Variants in RAD51B observed in about 807,000 individuals in gnomAD.
RAD51B encodes the protein DNA repair protein RAD51 homolog 2.
RAD51B carries 38 observed loss-of-function variants against 42.2 expected under a neutral mutation model. The ratio of observed to expected loss-of-function variants is 0.90; its 90% CI spans 0.70 to 1.18. The LOEUF is 1.18. Ranked by LOEUF, RAD51B falls within the 50% of genes most tolerant of loss-of-function variation. The pLI, the probability that RAD51B is intolerant of heterozygous loss-of-function variation, is 0.00. For missense variants in RAD51B, 373 were observed against 400.7 expected (o/e 0.93, Z 0.59); for synonymous variants, 154 against 145.2 (o/e 1.06, Z -0.43).
At chr14:68,401,058 CTAT>C (rs1246355537) in intron 8 of RAD51B, among the ~76,000 whole-genome samples, 2 of 152,214 alleles carry the variant, frequency 1.3e-5, no homozygotes, top group Non-Finnish European at 2.9e-5. Context: ...CTTATGCCTA[CTAT>C]TGTTTTCCTT....
chr14:68,160,593 GATTA>G (rs1187854993), intron 7 of RAD51B, among the ~76,000 whole-genome samples: 2 of 152,128 alleles, frequency 1.3e-5, no homozygotes, highest in East Asian at 1.9e-4. Flanking sequence ...GGATTTGTGG[GATTA>G]ATTTTGATTT....
At chr14:68,516,748 A>G (rs902300579) in intron 10 of RAD51B, among the ~76,000 whole-genome samples, 3 of 152,206 alleles carry the variant, frequency 2.0e-5, no homozygotes, top group South Asian at 4.1e-4. Flanking sequence ...AATAATATGC[A>G]TGGGTCATTT....
chr14:68,534,497 C>A (rs1887493637), intron 10 of RAD51B, among the ~76,000 whole-genome samples: 2 of 152,028 alleles, frequency 1.3e-5, no homozygotes, highest in Admixed American at 1.3e-4. Context: ...GCAAGGAAGC[C>A]CATTTCCCTA....
At chr14:68,320,184 G>C (rs902524884) in intron 8 of RAD51B, among the ~76,000 whole-genome samples, 1 of 152,174 alleles carries the variant, frequency 6.6e-6, no homozygotes, top group African/African-American at 2.4e-5. Flanking sequence ...GGAATTAATA[G>C]AGTACTTTCG....
intron 8 of RAD51B, chr14:68,306,665 G>A (rs1401252878): frequency 5.9e-6 from 3 of 512,506 alleles, no homozygotes; most frequent in South Asian, 4.3e-5. Flanking sequence ...AATTCTAAAT[G>A]TACCTAGAGT....
chr14:68,415,425 T>G (rs182740844), intron 9 of RAD51B, among the ~76,000 whole-genome samples: 6 of 152,300 alleles, frequency 3.9e-5, no homozygotes, highest in Admixed American at 1.3e-4. Context: ...TTTAATCACC[T>G]CTTCTCTGCT....
chr14:67,835,693 A>T (rs1162076231), intron 4 of RAD51B, among the ~76,000 whole-genome samples: 1 of 151,690 alleles, frequency 6.6e-6, no homozygotes, highest in African/African-American at 2.4e-5. Context: ...TTACCAAAAA[A>T]AAAATAAAAA....
intron 7 of RAD51B, among the ~76,000 whole-genome samples, chr14:68,157,828 C>G (rs1330005005): frequency 6.6e-6 from 1 of 152,148 alleles, no homozygotes; most frequent in Admixed American, 6.5e-5. Flanking sequence ...CCATAGGAGT[C>G]AGGCATTGGG....
intron 7 of RAD51B, among the ~76,000 whole-genome samples, chr14:67,899,204 G>A (rs1278614250): frequency 2.0e-5 from 3 of 151,582 alleles, no homozygotes; most frequent in East Asian, 1.9e-4. Context: ...CACCACGCCC[G>A]GCTAATTTTT....
chr14:68,030,457 CT>C (rs1284299771), intron 7 of RAD51B, among the ~76,000 whole-genome samples: 2 of 152,190 alleles, frequency 1.3e-5, no homozygotes, highest in Non-Finnish European at 2.9e-5. Context: ...AATGGAACGG[CT>C]TCTTTCCTTA....
intron 10 of RAD51B, among the ~76,000 whole-genome samples, chr14:68,494,335 G>A (rs1884330565): frequency 6.6e-6 from 1 of 152,006 alleles, no homozygotes; most frequent in Non-Finnish European, 1.5e-5. Context: ...TTAGAAAAAG[G>A]GTGGGGGTAG....
In RAD51B at chr14:68,072,071, A is replaced by G. The variant is rs1019802276; in HGVS notation, c.756+184867A>G. Reference sequence around the variant, plus strand: ...TATATAATTATATATATTTATATAAATATATAAATATATATAAATATATAA... The same window carrying G: ...TATATAATTATATATATTTATATAAGTATATAAATATATATAAATATATAA... On this transcript the variant is annotated intron_variant, in intron 7 of 10. Coordinates refer to ENST00000471583, the MANE Select transcript of RAD51B (RefSeq NM_133510.4). 1.0e-4 allele frequency among the ~76,000 whole-genome samples: 9 copies of G among 87,814 alleles called. 1 individual carries two copies. Among genetic ancestry groups the G allele is most frequent in the Middle Eastern group, 7.2e-3 (1 of 138 alleles). The allele number at this position is 87,814 out of a possible 152,430, so 57.6% of individuals were successfully genotyped here. A position where few individuals can be genotyped will look rare whatever the true frequency, so the allele number is the denominator to read the frequency against.
intron 7 of RAD51B, among the ~76,000 whole-genome samples, chr14:68,106,576 G>T (rs76408867): frequency 0.015 from 2,223 of 151,960 alleles, 57 homozygotes; most frequent in African/African-American, 0.05. Context: ...GTTCTCCTTT[G>T]TTCTTTCCAG....
chr14:67,864,961 CTTTTTTTTTTTTTTTTTTTTTTTTTTTTT>C lies in RAD51B; in HGVS notation c.316-31_316-3del. 3.1e-6 allele frequency: 2 copies of C among 643,780 alleles called. No homozygotes were observed. The highest frequency in any genetic ancestry group is 3.8e-5 in the African/African-American group (1 of 26,072). 39.9% of individuals were successfully genotyped at this position (643,780 alleles called of 1,614,324 possible). On this transcript the variant is annotated splice_polypyrimidine_tract_variant and intron_variant, in intron 4 of 10. Transcript: ENST00000471583. The stretch of plus-strand genomic sequence containing the variant: ...TGGCTTGTGATGTTTATCTAAAAAA[CTTTTTTTTTTTTTTTTTTTTTTTTTTTTT>C]TTTTTTTTTTAGATTACAGGTCCAC...
At chr14:67,828,483 A>C (rs1385075501) in intron 3 of RAD51B, among the ~76,000 whole-genome samples, 1 of 152,044 alleles carries the variant, frequency 6.6e-6, no homozygotes, top group Admixed American at 6.5e-5. Context: ...CTTTAGTTTA[A>C]TTAGATCCCA....
intron 7 of RAD51B, among the ~76,000 whole-genome samples, chr14:68,043,875 G>A (rs1429225432): frequency 1.3e-5 from 2 of 152,218 alleles, no homozygotes; most frequent in African/African-American, 2.4e-5. Flanking sequence ...GTTATGTGAA[G>A]TGCCATGAGG....
chr14:67,899,370 CA>C (rs557350124), intron 7 of RAD51B, among the ~76,000 whole-genome samples: 440 of 152,206 alleles, frequency 2.9e-3, no homozygotes, highest in African/African-American at 0.01. Flanking sequence ...AATGTTGACT[CA>C]GTTTCTGCTG....
intron 10 of RAD51B, among the ~76,000 whole-genome samples, chr14:68,556,958 C>T (rs531011683): frequency 2.8e-4 from 42 of 152,280 alleles, no homozygotes; most frequent in African/African-American, 9.4e-4. Flanking sequence ...CAGGAGTCCC[C>T]GGCATTGGGG....
At chr14:68,660,243 A>G (rs555430511) in intron 11 of RAD51B, among the ~76,000 whole-genome samples, 1 of 152,296 alleles carries the variant, frequency 6.6e-6, no homozygotes, top group South Asian at 2.1e-4. Context: ...TATTTGCACT[A>G]ATTAAAAACA....
Sources: gnomAD v4.1 joint callset for allele counts (sites outside exome capture counted in the v4.1 genomes callset) on GRCh38, gnomAD v4.1.1 for gene constraint, MANE v1.5 for transcripts, NCBI Gene and HGNC (gene_info 2026-07-23, HGNC 2026-07-21) for gene names.